TRAF7: variants seen among roughly 807,000 people sequenced by gnomAD.
TRAF7 encodes the protein E3 ubiquitin-protein ligase TRAF7.
A neutral mutation model predicts 89.3 loss-of-function variants in TRAF7; 45 were observed. That is an observed-to-expected ratio of 0.50 (90% CI 0.40 to 0.65). The LOEUF (loss-of-function observed/expected upper bound fraction) is 0.65, where lower values mean the gene tolerates loss of function less well. TRAF7 is among the 30% of genes least tolerant of loss of function. TRAF7 has a pLI of 0.00. For missense variants in TRAF7, 677 were observed against 918.1 expected (o/e 0.74, Z 3.39); for synonymous variants, 406 against 369.2 (o/e 1.10, Z -1.14).
chr16:2,167,791 G>C (rs1009213519), intron 3 of TRAF7, among the ~76,000 whole-genome samples: 1 of 152,148 alleles, frequency 6.6e-6, no homozygotes, highest in Non-Finnish European at 1.5e-5. Flanking sequence ...CCTGAAAGAA[G>C]ACCCTGCCTG....
rs997731456 is a variant in TRAF7 at position 2,176,749 on chromosome 16, G to C, written c.*175G>C. The C allele has an allele frequency of 2.2e-6, 2 of 921,938 alleles. No individual in the cohort carries two copies. Among genetic ancestry groups the C allele is most frequent in the Non-Finnish European group, 3.4e-6 (2 of 595,458 alleles). The allele number at this position is 921,938 out of a possible 1,614,324, so 57.1% of individuals were successfully genotyped here. ...ATGCTCGGCGAGCCTCCCTCTACTC[G>C]GCACTGTCCTTGCTGCCCAGCCCCT... On this transcript the variant is annotated 3_prime_UTR_variant, in exon 21 of 21. Transcript: ENST00000326181.
At position 2,172,312 on chromosome 16, in the gene TRAF7, G is replaced by T. The variant is rs2093115287; in HGVS notation, c.597G>T (p.Lys199Asn). The change falls in exon 8 of 21, where the codon AAG (lysine) becomes AAT (asparagine). Residue 199 changes from lysine to asparagine, a missense_variant. Physicochemically the swap from Lys to Asn is moderately conservative, Grantham distance 94. Transcript: ENST00000326181. ...GCTGCCGGGTAGCGGGCAGCGGGAAGCCCCCCATCTTTGAGGTGGACCCCC... is the reference window on the plus strand; with the variant it reads ...GCTGCCGGGTAGCGGGCAGCGGGAATCCCCCCATCTTTGAGGTGGACCCCC... ...RHGCRVAGSG[K>N]PPIFEVDPRG... 1 of 1,612,478 alleles carries T rather than the reference G, an allele frequency of 6.2e-7. No homozygotes were observed. The highest frequency in any genetic ancestry group is 8.5e-7 in the Non-Finnish European group (1 of 1,179,956).
At chr16:2,171,383 C>T (rs200789576) in intron 6 of TRAF7, 27 bp downstream of exon 6, 2 of 1,543,692 alleles carry the variant, frequency 1.3e-6, no homozygotes, top group Non-Finnish European at 1.8e-6. Flanking sequence ...TCCCAGCCCC[C>T]CTGCTGCCAG....
At position 2,165,283 on chromosome 16, in the gene TRAF7, C is replaced by T. The variant is rs574161863; in HGVS notation, c.82-596C>T. Among the ~76,000 whole-genome samples, 254 of 129,164 alleles carry T rather than the reference C, an allele frequency of 2.0e-3. 1 individual carries two copies. The highest frequency in any genetic ancestry group is 7.3e-3 in the African/African-American group (230 of 31,466). 84.7% of individuals were successfully genotyped at this position (129,164 alleles called of 152,430 possible). A position where few individuals can be genotyped will look rare whatever the true frequency, so the allele number is the denominator to read the frequency against. On this transcript the variant is annotated intron_variant, in intron 2 of 20. Coordinates refer to ENST00000326181, the MANE Select transcript of TRAF7 (RefSeq NM_032271.3). ...CGCATGGTTAAGCGTGTTAGTGCTG[C>T]GTGGCGCGGCCTGGTCGCATGGTTA... is the stretch of plus-strand genomic sequence containing the variant.
chr16:2,165,800 G>T, intron 2 of TRAF7, 79 bp from the exon 3 acceptor site: 1 of 1,546,838 alleles, frequency 6.5e-7, no homozygotes. Flanking sequence ...TCGCGTGTTA[G>T]GCATGTGAGT....
Position 2,161,666 on chromosome 16 carries a change from C to T in TRAF7, c.-38-2217C>T, listed in dbSNP as rs966721653. ...CCTCCCTGCTCCCAGAGGGCAGGAG[C>T]CAACCTGGGGCTCCCAAAAGGGCTG... On this transcript the variant is annotated intron_variant, in intron 1 of 20. Transcript: ENST00000326181. The surrounding 1 kb of genome is among the most constrained non-coding windows in gnomAD (Gnocchi z 5.2). Among the ~76,000 whole-genome samples, 2 of 152,204 alleles carry T rather than the reference C, an allele frequency of 1.3e-5. No homozygotes were observed. Among genetic ancestry groups the T allele is most frequent in the Non-Finnish European group, 2.9e-5 (2 of 68,022 alleles).
chr16:2,177,206 C>G lies in TRAF7; in HGVS notation c.*632C>G, dbSNP rs190417881. 1 of 244,128 alleles carries G rather than the reference C, an allele frequency of 4.1e-6. No individual in the cohort carries two copies. The highest frequency in any genetic ancestry group is 4.9e-5 in the Admixed American group (1 of 20,452). 15.1% of individuals were successfully genotyped at this position (244,128 alleles called of 1,614,324 possible). ...CTGTTTCCTGCTGTTTATTGACAGCCGACGGCAGCGCCTTGCCCAGACCTC... is the reference window on the plus strand; with the variant it reads ...CTGTTTCCTGCTGTTTATTGACAGCGGACGGCAGCGCCTTGCCCAGACCTC... On this transcript the variant is annotated 3_prime_UTR_variant, in exon 21 of 21. Transcript: ENST00000326181.
Position 2,161,881 on chromosome 16 carries a change from G to A in TRAF7, c.-38-2002G>A, listed in dbSNP as rs746741360. Among the ~76,000 whole-genome samples the A allele has an allele frequency of 2.6e-5, 4 of 152,172 alleles. No individual in the cohort carries two copies. The highest frequency in any genetic ancestry group is 2.1e-4 in the South Asian group (1 of 4,832). ...CAGAGCAGCCTTGTAGACACACCAC[G>A]ACCACACCTCTGTCCCAGGGCTGAC... On this transcript the variant is annotated intron_variant, in intron 1 of 20. Transcript: ENST00000326181. This position sits in a 1 kb window ranked among gnomAD's most constrained non-coding sequence, Gnocchi z 5.2.
At chr16:2,156,080 G>T (rs887948647) in intron 1 of TRAF7, among the ~76,000 whole-genome samples, 6 of 152,114 alleles carry the variant, frequency 3.9e-5, no homozygotes, top group African/African-American at 1.4e-4. Flanking sequence ...GCTCCGTCCT[G>T]TTCTCGCGCA....
Position 2,166,871 on chromosome 16 carries a change from G to A in TRAF7, c.139+935G>A, listed in dbSNP as rs2093088386. 1.3e-5 allele frequency among the ~76,000 whole-genome samples: 2 copies of A among 152,264 alleles called. 1 individual carries two copies. Among genetic ancestry groups the A allele is most frequent in the South Asian group, 4.1e-4 (2 of 4,836 alleles). On this transcript the variant is annotated intron_variant, in intron 3 of 20. Transcript: ENST00000326181. Reference sequence around the variant, plus strand: ...AGTGGCAGTGCCTTCTTCCCGAGGTGCAGGGCCAGGGACCCTCATTCCGGG... The same window carrying A: ...AGTGGCAGTGCCTTCTTCCCGAGGTACAGGGCCAGGGACCCTCATTCCGGG...
rs144639021 is a variant in TRAF7, at chr16:2,163,473, G to A, written c.-38-410G>A. 127 of 196,454 alleles carry A rather than the reference G, an allele frequency of 6.5e-4. No homozygotes were observed. Among genetic ancestry groups the A allele is most frequent in the African/African-American group, 2.7e-3 (112 of 42,084 alleles). 12.2% of individuals were successfully genotyped at this position (196,454 alleles called of 1,614,324 possible). ...GCTGGTCCCTGTGTGACTGCGTCCCGCCACGTGGGCCACACCCTGGGCCTA... is the reference window on the plus strand; with the variant it reads ...GCTGGTCCCTGTGTGACTGCGTCCCACCACGTGGGCCACACCCTGGGCCTA... On this transcript the variant is annotated intron_variant, in intron 1 of 20. Transcript: ENST00000326181. This position sits in a 1 kb window ranked among gnomAD's most constrained non-coding sequence, Gnocchi z 4.3.
In TRAF7 at chr16:2,162,633, G is replaced by A. The variant is rs2093062395; in HGVS notation, c.-38-1250G>A. Among the ~76,000 whole-genome samples the A allele has an allele frequency of 6.6e-6, 1 of 152,074 alleles. No individual in the cohort carries two copies. The highest frequency in any genetic ancestry group is 2.4e-5 in the African/African-American group (1 of 41,428). On this transcript the variant is annotated intron_variant, in intron 1 of 20. Coordinates refer to ENST00000326181, the MANE Select transcript of TRAF7 (RefSeq NM_032271.3). The surrounding 1 kb of genome is among the most constrained non-coding windows in gnomAD (Gnocchi z 5.0). Reference sequence around the variant, plus strand: ...CCCCAGGGTGAGAGCAGGGCCGCAGGAGTGGGCTCCCTGCTGCTGCACCGC... The same window carrying A: ...CCCCAGGGTGAGAGCAGGGCCGCAGAAGTGGGCTCCCTGCTGCTGCACCGC...
chr16:2,173,519 C>T lies in TRAF7; in HGVS notation c.1051C>T (p.Leu351Phe), dbSNP rs2141289966. ...AAACCAGAGCAAGCTCAGCGAGGACCTCATGGAGTTCCGGCGGGACGCATC... is the reference window on the plus strand; with the variant it reads ...AAACCAGAGCAAGCTCAGCGAGGACTTCATGGAGTTCCGGCGGGACGCATC... The part of the protein sequence containing the change: ...DENQSKLSED[L>F]MEFRRDASML... Residue 351 changes from leucine to phenylalanine, a missense_variant, in exon 11 of 21, where the codon CTC becomes TTC. Transcript: ENST00000326181. The T allele has an allele frequency of 1.2e-6, 2 of 1,613,440 alleles. No individual in the cohort carries two copies. The highest frequency in any genetic ancestry group is 2.2e-5 in the East Asian group (1 of 44,864).
chr16:2,168,069 C>T lies in TRAF7; in HGVS notation c.140-8C>T, dbSNP rs751408365. The stretch of plus-strand genomic sequence containing the variant: ...CCCCACTGAGACGCCAGCCCTCTTG[C>T]CTTGCAGCTGACGGGACCAGCACCT... On this transcript the variant is annotated splice_polypyrimidine_tract_variant and splice_region_variant and intron_variant, in intron 3 of 20. Transcript: ENST00000326181. This position sits in a 1 kb window ranked among gnomAD's most constrained non-coding sequence, Gnocchi z 4.1. 1 of 1,610,394 alleles carries T rather than the reference C, an allele frequency of 6.2e-7. No homozygotes were observed. The highest frequency in any genetic ancestry group is 1.3e-5 in the African/African-American group (1 of 75,026).
In TRAF7 at chr16:2,171,421, G is replaced by A. The variant is rs536087101; in HGVS notation, c.441+65G>A. 1.1e-4 allele frequency: 173 copies of A among 1,532,472 alleles called. 2 individuals carry two copies. The Middle Eastern group carries it at 8.1e-3, about 71-fold the overall frequency. 94.9% of individuals were successfully genotyped at this position (1,532,472 alleles called of 1,614,324 possible). On this transcript the variant is annotated intron_variant, in intron 6 of 20. Coordinates refer to ENST00000326181, the MANE Select transcript of TRAF7 (RefSeq NM_032271.3). Reference sequence around the variant, plus strand: ...GCCCCCACAGGACCCCAGGGCTCTCGGGGGCCGGGGCTGTGGCGCCCTGGC... The same window carrying A: ...GCCCCCACAGGACCCCAGGGCTCTCAGGGGCCGGGGCTGTGGCGCCCTGGC...
rs2093122829 is a variant in TRAF7 at position 2,173,640 on chromosome 16, A to G, written c.1086+86A>G. 2.5e-6 allele frequency: 4 copies of G among 1,580,812 alleles called. No individual in the cohort carries two copies. In the South Asian group the frequency reaches 3.3e-5, roughly 13 times the overall value. Reference sequence around the variant, plus strand: ...AGGGAGGCCTCCCCTGGCCTTGCCTACACTAGTCAAGATCAGGGGTCTTGT... The same window carrying G: ...AGGGAGGCCTCCCCTGGCCTTGCCTGCACTAGTCAAGATCAGGGGTCTTGT... On this transcript the variant is annotated intron_variant, in intron 11 of 20. Transcript: ENST00000326181.
At chr16:2,156,169 G>A (rs2093033399) in intron 1 of TRAF7, among the ~76,000 whole-genome samples, 1 of 152,060 alleles carries the variant, frequency 6.6e-6, no homozygotes, top group Non-Finnish European at 1.5e-5. Flanking sequence ...GGGAGACCGC[G>A]GAGAACACGG....
chr16:2,158,350 C>T lies in TRAF7; in HGVS notation c.-39+2492C>T, dbSNP rs564636610. Among the ~76,000 whole-genome samples, 43 of 152,244 alleles carry T rather than the reference C, an allele frequency of 2.8e-4. No homozygotes were observed. Among genetic ancestry groups the T allele is most frequent in the Non-Finnish European group, 5.9e-5 (4 of 68,000 alleles). ...AGGAGGAGGGTGCAGCCAGGTGGGG[C>T]AGGTGAAAGGGGAAAGCGGGCACTG... is the stretch of plus-strand genomic sequence containing the variant. On this transcript the variant is annotated intron_variant, in intron 1 of 20. Transcript: ENST00000326181. The surrounding 1 kb of genome is among the most constrained non-coding windows in gnomAD (Gnocchi z 4.7).
At chr16:2,156,456 T>C (rs2093034998) in intron 1 of TRAF7, among the ~76,000 whole-genome samples, 1 of 152,040 alleles carries the variant, frequency 6.6e-6, no homozygotes. Context: ...CAATAGGTAG[T>C]TAAAATCATG....
Sources: allele counts gnomAD v4.1 joint callset (sites outside exome capture counted in the v4.1 genomes callset), GRCh38; gene constraint gnomAD v4.1.1; non-coding constraint Gnocchi (gnomAD v3.1); transcripts MANE v1.5; gene names NCBI Gene and HGNC (gene_info 2026-07-23, HGNC 2026-07-21).